FOXP2: variants seen among roughly 807,000 people sequenced by gnomAD.
The protein encoded by FOXP2 is forkhead box P2.
A neutral mutation model predicts 115.8 loss-of-function variants in FOXP2; 12 were observed. The observed-to-expected ratio is 0.10, with a 90% CI of 0.07 to 0.17. FOXP2 has a LOEUF of 0.17. Among genes scored for constraint, FOXP2 ranks in the 10% least tolerant of loss-of-function variants. FOXP2 has a pLI of 1.00. For missense variants in FOXP2, 629 were observed against 843.5 expected (o/e 0.75, Z 3.15); for synonymous variants, 328 against 297.7 (o/e 1.10, Z -1.05).
At chr7:114,239,393 T>C (rs1298538950) in intron 1 of FOXP2, among the ~76,000 whole-genome samples, 2 of 152,204 alleles carry the variant, frequency 1.3e-5, no homozygotes, top group Non-Finnish European at 2.9e-5. Flanking sequence ...TCAAAAACTT[T>C]TGTGAGTTTC....
intron 8 of FOXP2, among the ~76,000 whole-genome samples, chr7:114,651,436 T>C (rs952415933): frequency 1.3e-5 from 2 of 152,124 alleles, no homozygotes; most frequent in African/African-American, 4.8e-5. Context: ...TTGGAGATGC[T>C]GCTTTACTAA....
At chr7:114,258,855 G>C (rs1795681062) in intron 1 of FOXP2, among the ~76,000 whole-genome samples, 1 of 152,156 alleles carries the variant, frequency 6.6e-6, no homozygotes, top group Non-Finnish European at 1.5e-5. Flanking sequence ...TGCTTAGGCT[G>C]TGATGAAGTT....
At chr7:114,405,460 T>C (rs1193717151) in intron 2 of FOXP2, among the ~76,000 whole-genome samples, 1 of 151,922 alleles carries the variant, frequency 6.6e-6, no homozygotes, top group Non-Finnish European at 1.5e-5. Context: ...TAATATTTTA[T>C]TATTAGTGCT....
intron 2 of FOXP2, among the ~76,000 whole-genome samples, chr7:114,292,180 G>A (rs1796621807): frequency 6.6e-6 from 1 of 151,472 alleles, no homozygotes; most frequent in Admixed American, 6.6e-5. Flanking sequence ...CCACACTCAA[G>A]GGGAAGGAAT....
intron 16 of FOXP2, among the ~76,000 whole-genome samples, chr7:114,683,811 A>G (rs1808217884): frequency 6.6e-6 from 1 of 152,172 alleles, no homozygotes; most frequent in Admixed American, 6.6e-5. Flanking sequence ...TGAGTCTGAA[A>G]TGGAAGTTAT....
intron 1 of FOXP2, among the ~76,000 whole-genome samples, chr7:114,126,806 C>T (rs556182090): frequency 3.3e-5 from 5 of 152,246 alleles, no homozygotes; most frequent in African/African-American, 1.2e-4. Flanking sequence ...CAAAATAACC[C>T]TCGGGTTTAG....
chr7:114,610,993 GA>G (rs1339637294), intron 3 of FOXP2, among the ~76,000 whole-genome samples: 1 of 152,096 alleles, frequency 6.6e-6, no homozygotes, highest in African/African-American at 2.4e-5. Flanking sequence ...AGGTTTCTGT[GA>G]AGGGAAATAA....
At chr7:114,615,785 A>G (rs1803916754) in intron 3 of FOXP2, among the ~76,000 whole-genome samples, 1 of 152,066 alleles carries the variant, frequency 6.6e-6, no homozygotes, top group Non-Finnish European at 1.5e-5. Context: ...ATCTCCACCT[A>G]ATTCCCCTTT....
rs1276790996 is a variant in FOXP2 at position 114,271,634 on chromosome 7, ATAATTAT to A, written c.-101-16375_-101-16369del. ...TATAATAAATAATTATATTATTAAT[ATAATTAT>A]TAATTATTATAAATATTATTAAATA... On this transcript the variant is annotated intron_variant, in intron 1 of 17. Transcript: ENST00000634411. 2.3e-3 allele frequency among the ~76,000 whole-genome samples: 277 copies of A among 121,944 alleles called. 1 individual carries two copies. The highest frequency in any genetic ancestry group is 8.5e-3 in the Middle Eastern group (2 of 234). The allele number at this position is 121,944 out of a possible 152,430, so 80.0% of individuals were successfully genotyped here.
chr7:114,122,629 C>A (rs1461114410), intron 1 of FOXP2, among the ~76,000 whole-genome samples: 1 of 151,828 alleles, frequency 6.6e-6, no homozygotes, highest in Non-Finnish European at 1.5e-5. Context: ...TGTGGGCTGT[C>A]AGGTATTGCA....
chr7:114,434,249 A>G (rs1427347668), intron 2 of FOXP2, among the ~76,000 whole-genome samples: 1 of 151,964 alleles, frequency 6.6e-6, no homozygotes, highest in East Asian at 1.9e-4. Context: ...CAAAATACTA[A>G]AAGAAAATGT....
intron 6 of FOXP2, among the ~76,000 whole-genome samples, chr7:114,641,822 G>A (rs1403468427): frequency 6.7e-6 from 1 of 148,404 alleles, no homozygotes; most frequent in Non-Finnish European, 1.5e-5. Flanking sequence ...TTTTGTTTTT[G>A]TTTGAGAGAG....
At chr7:114,398,928 G>A (rs747963752) in intron 2 of FOXP2, among the ~76,000 whole-genome samples, 1 of 152,120 alleles carries the variant, frequency 6.6e-6, no homozygotes, top group Non-Finnish European at 1.5e-5. Flanking sequence ...CCATATGTTT[G>A]TAGTTGCTGG....
At chr7:114,367,618 T>A (rs1324613950) in intron 2 of FOXP2, among the ~76,000 whole-genome samples, 7 of 152,186 alleles carry the variant, frequency 4.6e-5, no homozygotes, top group African/African-American at 1.7e-4. Context: ...AACTCTGAAC[T>A]ATCATAGGTA....
chr7:114,341,075 A>C (rs936820223), intron 2 of FOXP2, among the ~76,000 whole-genome samples: 28 of 151,300 alleles, frequency 1.9e-4, no homozygotes, highest in Non-Finnish European at 3.7e-4. Flanking sequence ...TGGAAAGCAT[A>C]AATTATTACT....
chr7:114,385,048 C>G (rs544888795), intron 2 of FOXP2, among the ~76,000 whole-genome samples: 9 of 151,920 alleles, frequency 5.9e-5, no homozygotes, highest in Non-Finnish European at 8.8e-5. Context: ...CTCTCTCCCC[C>G]CCTCTCTCTC....
At chr7:114,619,154 T>G (rs1427882576) in intron 3 of FOXP2, among the ~76,000 whole-genome samples, 1 of 152,154 alleles carries the variant, frequency 6.6e-6, no homozygotes, top group Non-Finnish European at 1.5e-5. Context: ...ATTAATACCT[T>G]TTAAAATCAT....
At chr7:114,196,537 GTGTA>G (rs564489290) in intron 1 of FOXP2, among the ~76,000 whole-genome samples, 64 of 152,294 alleles carry the variant, frequency 4.2e-4, no homozygotes, top group African/African-American at 1.3e-3. Context: ...TTGGTATTCT[GTGTA>G]TGTGTGTGTT....
At chr7:114,404,918 A>G (rs1285388505) in intron 2 of FOXP2, among the ~76,000 whole-genome samples, 1 of 151,954 alleles carries the variant, frequency 6.6e-6, no homozygotes, top group Non-Finnish European at 1.5e-5. Context: ...TTTAGTGTTT[A>G]GCATCATTTA....
Sources: allele counts gnomAD v4.1 joint callset (sites outside exome capture counted in the v4.1 genomes callset), GRCh38; gene constraint gnomAD v4.1.1; transcripts MANE v1.5; gene names NCBI Gene and HGNC (gene_info 2026-07-23, HGNC 2026-07-21).